The following RTKN2 variants were observed in gnomAD, a reference collection of about 807,000 sequenced individuals.
RTKN2 encodes the protein rhotekin-2.
In RTKN2, 69 loss-of-function variants were observed where a neutral mutation model predicts 71.5. That is an observed-to-expected ratio of 0.96 (90% CI 0.79 to 1.18). The LOEUF is 1.18. Ranked by LOEUF, RTKN2 falls within the 50% of genes most tolerant of loss-of-function variation. RTKN2 has a pLI of 0.00. For missense variants in RTKN2, 724 were observed against 719.7 expected, an observed-to-expected ratio of 1.01 and a Z score of -0.07; for synonymous variants, 236 against 236.5, an observed-to-expected ratio of 1.00 and a Z score of 0.02.
At chr10:62,257,341 A>G (rs1013686023) in intron 2 of RTKN2, among the ~76,000 whole-genome samples, 10 of 152,204 alleles carry the variant, frequency 6.6e-5, no homozygotes, top group African/African-American at 2.4e-4. Context: ...TGTTATAGTG[A>G]GGTATTCATG....
chr10:62,209,758 C>T (rs760589106), intron 9 of RTKN2, among the ~76,000 whole-genome samples: 1 of 151,968 alleles, frequency 6.6e-6, no homozygotes, highest in Non-Finnish European at 1.5e-5. Flanking sequence ...GGATAATGTC[C>T]TCCAGCTCCA....
At chr10:62,256,694 G>A (rs1842681981) in intron 2 of RTKN2, among the ~76,000 whole-genome samples, 4 of 146,208 alleles carry the variant, frequency 2.7e-5, no homozygotes, top group African/African-American at 5.4e-5. Flanking sequence ...TTGTGTATGC[G>A]TGTGTGTGTC....
At chr10:62,225,284 T>TA (rs1259846203) in intron 6 of RTKN2, among the ~76,000 whole-genome samples, 1 of 152,248 alleles carries the variant, frequency 6.6e-6, no homozygotes, top group Non-Finnish European at 1.5e-5. Flanking sequence ...CTAATTTTGA[T>TA]AAATACCAGC....
At chr10:62,191,330 A>T (rs563108735), downstream of RTKN2, among the ~76,000 whole-genome samples, 2 of 152,218 alleles carry the variant, frequency 1.3e-5, no homozygotes, top group Admixed American at 1.3e-4. Context: ...TTTTTTGTAG[A>T]GACAAGGTTT....
intron 6 of RTKN2, among the ~76,000 whole-genome samples, chr10:62,235,676 G>GTA (rs903479136): frequency 4.1e-5 from 3 of 72,576 alleles, no homozygotes; most frequent in African/African-American, 1.4e-4. Flanking sequence ...GTGTGTGTGT[G>GTA]TGTGTGTGTG....
chr10:62,264,028 TGTCTATTTCTA>T (rs145998847), intron 1 of RTKN2, among the ~76,000 whole-genome samples: 3,383 of 152,286 alleles, frequency 0.022, 102 homozygotes, highest in African/African-American at 0.077. Flanking sequence ...GTTTCTGGTA[TGTCTATTTCTA>T]AAACATAAAG....
chr10:62,214,594 A>G (rs1589345729), intron 9 of RTKN2, among the ~76,000 whole-genome samples: 1 of 152,242 alleles, frequency 6.6e-6, no homozygotes, highest in East Asian at 1.9e-4. Flanking sequence ...CTGGAATTAG[A>G]TCCTTGTCAT....
intron 7 of RTKN2, among the ~76,000 whole-genome samples, chr10:62,221,470 TAAAA>T (rs902285507): frequency 6.6e-6 from 1 of 151,624 alleles, no homozygotes; most frequent in Non-Finnish European, 1.5e-5. Context: ...AAAGCTTCGG[TAAAA>T]AAAAGATTGT....
intron 6 of RTKN2, among the ~76,000 whole-genome samples, chr10:62,230,551 A>G (rs1182988237): frequency 2.6e-5 from 4 of 152,206 alleles, no homozygotes. Context: ...AATCAACTGC[A>G]TGCAAAGCAT....
chr10:62,194,057 A>T lies in RTKN2; in HGVS notation c.*3851T>A, dbSNP rs1318597123. 3.1e-6 allele frequency: 3 copies of T among 982,254 alleles called. No homozygotes were observed. The African/African-American group carries it at 5.2e-5, about 17-fold the overall frequency. 60.8% of individuals were successfully genotyped at this position (982,254 alleles called of 1,614,324 possible). A position where few individuals can be genotyped will look rare whatever the true frequency, so the allele number is the denominator to read the frequency against. The stretch of plus-strand genomic sequence containing the variant: ...TCAATTACATGACTTGGGCTCGCTT[A>T]CCAAATACCTTTGGTACTTTAAAAA... On this transcript the variant is annotated 3_prime_UTR_variant, in exon 12 of 12. Coordinates refer to ENST00000373789, the MANE Select transcript of RTKN2 (RefSeq NM_145307.4).
At position 62,241,187 on chromosome 10, in the gene RTKN2, T is replaced by C. The variant is rs747491106; in HGVS notation, c.325A>G (p.Ile109Val). 5.5e-5 allele frequency: 86 copies of C among 1,560,814 alleles called. No homozygotes were observed. The highest frequency in any genetic ancestry group is 7.3e-5 in the Non-Finnish European group (83 of 1,140,626). ...KGKIAISDIR[I>V]PLMWKDSDHF... ...TCAGAGTCTTTCCACATTAGTGGTA[T>C]TCGAATATCTATAAAGAAGGGAAAA... The change falls in exon 4 of 12, where the codon ATA becomes GTA. Residue 109 changes from isoleucine (I) to valine (V), a missense_variant. Physicochemically the swap from Ile to Val is conservative, Grantham distance 29. Transcript: ENST00000373789.
chr10:62,240,890 C>G (rs1431974835), intron 4 of RTKN2, among the ~76,000 whole-genome samples: 1 of 152,184 alleles, frequency 6.6e-6, no homozygotes, highest in East Asian at 1.9e-4. Flanking sequence ...CGTTCCCACT[C>G]TGAACCCGGT....
Position 62,196,386 on chromosome 10 carries a change from C to A in RTKN2, c.*1522G>T, listed in dbSNP as rs1841332076. On this transcript the variant is annotated 3_prime_UTR_variant, in exon 12 of 12. Transcript: ENST00000373789. ...CTGTCTGTCCTGATGTTACCAGTCA[C>A]AAGAAACCTTTTGTTATCATTACTC... The A allele has an allele frequency of 7.1e-6, 7 of 985,104 alleles. No individual in the cohort carries two copies. In the Admixed American group the frequency reaches 4.3e-4, roughly 61 times the overall value. 61.0% of individuals were successfully genotyped at this position (985,104 alleles called of 1,614,324 possible).
In RTKN2 at chr10:62,197,302, T is replaced by C. The variant is rs1291497739; in HGVS notation, c.*606A>G. On this transcript the variant is annotated 3_prime_UTR_variant, in exon 12 of 12. Transcript: ENST00000373789. ...GGCTCATCAAGGAAACAAGTTTGAA[T>C]AGCACATTACAAATTCCCTTTAAAG... is the stretch of plus-strand genomic sequence containing the variant. 9 of 985,398 alleles carry C rather than the reference T, an allele frequency of 9.1e-6. No homozygotes were observed. The South Asian group carries it at 1.4e-4, about 15-fold the overall frequency. The allele number at this position is 985,398 out of a possible 1,614,324, so 61.0% of individuals were successfully genotyped here.
intron 1 of RTKN2, among the ~76,000 whole-genome samples, chr10:62,268,178 C>A (rs533661805): frequency 6.6e-6 from 1 of 152,368 alleles, no homozygotes; most frequent in South Asian, 2.1e-4. Flanking sequence ...AATAAGCCAG[C>A]TGTCCACTGG....
chr10:62,221,397 C>T (rs1589353179), intron 7 of RTKN2, among the ~76,000 whole-genome samples: 1 of 151,866 alleles, frequency 6.6e-6, no homozygotes, highest in Admixed American at 6.6e-5. Flanking sequence ...AAACAGAAAA[C>T]ACAGGTTATC....
At chr10:62,204,782 C>T in intron 10 of RTKN2, 75 bp downstream of exon 10, 4 of 1,183,236 alleles carry the variant, frequency 3.4e-6, no homozygotes, top group East Asian at 2.6e-5. Context: ...TCTAAGATTA[C>T]AATTTTAAGA....
rs1841371033 is a variant in RTKN2, at chr10:62,198,248, T to C, written c.1490A>G (p.Glu497Gly). The C allele has an allele frequency of 6.2e-7, 1 of 1,613,932 alleles. No homozygotes were observed. The highest frequency in any genetic ancestry group is 1.3e-5 in the African/African-American group (1 of 74,898). ...LYPASEPLHD[E>G]KGKKRQAPLP... ...GGGAGCTTGTCTCTTTTTCCCTTTT[T>C]CATCATGTAATGGCTCACTTGCAGG... is the stretch of plus-strand genomic sequence containing the variant. The change falls in exon 12 of 12, where the codon GAA becomes GGA. Residue 497 changes from glutamate to glycine, a missense_variant. Physicochemically the swap from Glu to Gly is moderately conservative, Grantham distance 98 (BLOSUM62 -2). Coordinates refer to ENST00000373789, the MANE Select transcript of RTKN2 (RefSeq NM_145307.4).
intron 7 of RTKN2, among the ~76,000 whole-genome samples, chr10:62,222,424 T>G (rs1318261568): frequency 6.6e-6 from 1 of 152,182 alleles, no homozygotes; most frequent in East Asian, 1.9e-4. Flanking sequence ...ATAATTATTT[T>G]TTAAACTACA....
Sources: allele counts gnomAD v4.1 joint callset (sites outside exome capture counted in the v4.1 genomes callset), GRCh38; gene constraint gnomAD v4.1.1; transcripts MANE v1.5; gene names NCBI Gene and HGNC (gene_info 2026-07-23, HGNC 2026-07-21).